The following STX8 variants were observed in gnomAD, a reference collection of about 807,000 sequenced individuals.
STX8 encodes the protein syntaxin-8.
STX8 carries 23 observed loss-of-function variants against 37.5 expected under a neutral mutation model. That is an observed-to-expected ratio of 0.61 (90% CI 0.44 to 0.87). STX8 has a LOEUF of 0.87. STX8 is among the 40% of genes least tolerant of loss of function. The pLI, the probability that STX8 is intolerant of heterozygous loss-of-function variation, is 0.00. For missense variants in STX8, 313 were observed against 284.7 expected (o/e 1.10, Z -0.71); for synonymous variants, 115 against 99.1 (o/e 1.16, Z -0.95).
intron 3 of STX8, among the ~76,000 whole-genome samples, chr17:9,550,028 C>A (rs1042044245): frequency 4.6e-5 from 7 of 152,034 alleles, no homozygotes; most frequent in African/African-American, 1.7e-4. Flanking sequence ...TCGAGACCAG[C>A]CTGGACAACA....
intron 7 of STX8, among the ~76,000 whole-genome samples, chr17:9,278,313 C>T (rs577264589): frequency 5.9e-5 from 9 of 152,250 alleles, no homozygotes; most frequent in Middle Eastern, 3.4e-3. Flanking sequence ...CCGGGCACGG[C>T]AGCACATGCC....
At position 9,338,704 on chromosome 17, in the gene STX8, A is replaced by C. The variant is rs920636663; in HGVS notation, c.643+39848T>G. ...TTTCAGGATCATCTGAGGGTATTTAATAAAATCAATTTCCAAGGCCCAAGA... is the reference window on the plus strand; with the variant it reads ...TTTCAGGATCATCTGAGGGTATTTACTAAAATCAATTTCCAAGGCCCAAGA... On this transcript the variant is annotated intron_variant, in intron 7 of 7. Coordinates refer to ENST00000306357, the MANE Select transcript of STX8 (RefSeq NM_004853.3). Among the ~76,000 whole-genome samples, 7 of 152,170 alleles carry C rather than the reference A, an allele frequency of 4.6e-5. No homozygotes were observed. The South Asian group carries it at 1.4e-3, about 32-fold the overall frequency.
chr17:9,354,616 G>A (rs973315437), intron 7 of STX8, among the ~76,000 whole-genome samples: 6 of 148,690 alleles, frequency 4.0e-5, no homozygotes, highest in East Asian at 4.1e-4. Context: ...CACCGTGCCC[G>A]GCCCATATTT....
intron 4 of STX8, among the ~76,000 whole-genome samples, chr17:9,532,115 T>A (rs1220799475): frequency 1.3e-5 from 2 of 152,032 alleles, no homozygotes; most frequent in Non-Finnish European, 2.9e-5. Flanking sequence ...AGTCTCTATT[T>A]GGAAGTCAGG....
chr17:9,356,628 G>C lies in STX8; in HGVS notation c.643+21924C>G, dbSNP rs550181386. 6.6e-5 allele frequency among the ~76,000 whole-genome samples: 10 copies of C among 152,344 alleles called. No individual in the cohort carries two copies. The South Asian group carries it at 2.1e-3, about 32-fold the overall frequency. Reference sequence around the variant, plus strand: ...GTCAGGAGTTCAGAAAGCAAGAAGAGGGGTGAGGCTGTTCCTCTTCCTCTC... The same window carrying C: ...GTCAGGAGTTCAGAAAGCAAGAAGACGGGTGAGGCTGTTCCTCTTCCTCTC... On this transcript the variant is annotated intron_variant, in intron 7 of 7. Coordinates refer to ENST00000306357, the MANE Select transcript of STX8 (RefSeq NM_004853.3).
At chr17:9,568,856 C>G (rs1907568507) in intron 1 of STX8, among the ~76,000 whole-genome samples, 1 of 152,094 alleles carries the variant, frequency 6.6e-6, no homozygotes, top group South Asian at 2.1e-4. Flanking sequence ...TCATTCTAGC[C>G]AAAGAATTCA....
intron 2 of STX8, among the ~76,000 whole-genome samples, chr17:9,564,049 G>A (rs770800294): frequency 2.0e-5 from 3 of 152,108 alleles, no homozygotes; most frequent in Non-Finnish European, 2.9e-5. Context: ...ACCACTTCAC[G>A]TTAAAAACAC....
chr17:9,345,736 T>C (rs1048171955), intron 7 of STX8, among the ~76,000 whole-genome samples: 5 of 151,812 alleles, frequency 3.3e-5, no homozygotes, highest in Admixed American at 3.3e-4. Context: ...ATTTGTTCTT[T>C]CAGCTACTTT....
chr17:9,371,298 G>T (rs756278951), intron 7 of STX8, among the ~76,000 whole-genome samples: 1 of 152,144 alleles, frequency 6.6e-6, no homozygotes, highest in Non-Finnish European at 1.5e-5. Context: ...TGATGTGGCG[G>T]CTGCTATCCA....
At chr17:9,282,544 C>T (rs1258698887) in intron 7 of STX8, among the ~76,000 whole-genome samples, 3 of 152,188 alleles carry the variant, frequency 2.0e-5, no homozygotes, top group African/African-American at 7.2e-5. Context: ...AGACAGGGTT[C>T]AACAGAAAGG....
At chr17:9,493,949 ATT>A (rs998684260) in intron 5 of STX8, among the ~76,000 whole-genome samples, 6 of 151,340 alleles carry the variant, frequency 4.0e-5, no homozygotes, top group East Asian at 2.0e-4. Flanking sequence ...TGAAAATCAT[ATT>A]GTTTATCTAT....
intron 7 of STX8, among the ~76,000 whole-genome samples, chr17:9,254,692 G>C (rs745863758): frequency 6.6e-6 from 1 of 152,050 alleles, no homozygotes. Context: ...CACCGCGCCC[G>C]GCCTTGAATC....
At chr17:9,559,760 A>ATATTTTTTTTTTTTT in intron 2 of STX8, among the ~76,000 whole-genome samples, 11 of 24,492 alleles carry the variant, frequency 4.5e-4, no homozygotes, top group African/African-American at 1.9e-3. Context: ...ATATATATAT[A>ATATTTTTTTTTTTTT]TTTTTTTTTT....
At chr17:9,335,832 G>GAC (rs10701494) in intron 7 of STX8, among the ~76,000 whole-genome samples, 138 of 147,844 alleles carry the variant, frequency 9.3e-4, no homozygotes, top group African/African-American at 2.1e-3. Context: ...CACACACGTA[G>GAC]ACACACACAC....
intron 6 of STX8, among the ~76,000 whole-genome samples, chr17:9,397,444 T>C (rs1463121333): frequency 1.3e-5 from 2 of 152,076 alleles, no homozygotes; most frequent in Non-Finnish European, 2.9e-5. Flanking sequence ...GAATAGCAGA[T>C]AGTGGGAGCC....
intron 2 of STX8, among the ~76,000 whole-genome samples, chr17:9,564,193 C>T (rs1438856757): frequency 6.6e-6 from 1 of 152,020 alleles, no homozygotes; most frequent in Non-Finnish European, 1.5e-5. Flanking sequence ...GACAAGGATG[C>T]CCTCTGCTAC....
chr17:9,269,858 ACTAGCTTTAGGC>A (rs1036951297), intron 7 of STX8, among the ~76,000 whole-genome samples: 1 of 152,180 alleles, frequency 6.6e-6, no homozygotes, highest in African/African-American at 2.4e-5. Context: ...GCACACCAGC[ACTAGCTTTAGGC>A]CTCAGCTTGA....
At chr17:9,538,829 T>C (rs555371799) in intron 4 of STX8, among the ~76,000 whole-genome samples, 10 of 152,254 alleles carry the variant, frequency 6.6e-5, no homozygotes, top group African/African-American at 2.2e-4. Flanking sequence ...ATCTTTGAGA[T>C]GGTCACAGAG....
intron 4 of STX8, among the ~76,000 whole-genome samples, chr17:9,537,235 T>C (rs1906095049): frequency 6.6e-6 from 1 of 152,346 alleles, no homozygotes; most frequent in Middle Eastern, 3.4e-3. Context: ...GCTGCATGCT[T>C]CACCAGGCCC....
Sources: allele counts gnomAD v4.1 joint callset (sites outside exome capture counted in the v4.1 genomes callset), GRCh38; gene constraint gnomAD v4.1.1; transcripts MANE v1.5; gene names NCBI Gene and HGNC (gene_info 2026-07-23, HGNC 2026-07-21).